Variants in WDR20 observed in about 807,000 individuals in gnomAD.
The protein encoded by WDR20 is WD repeat-containing protein 20.
WDR20 carries 3 observed loss-of-function variants against 38.7 expected under a neutral mutation model. That is an observed-to-expected ratio of 0.08 (90% CI 0.04 to 0.20). The LOEUF is 0.20. Among genes scored for constraint, WDR20 ranks in the 10% least tolerant of loss-of-function variants. WDR20 has a pLI of 1.00. For synonymous variants in WDR20, 298 were observed against 285.6 expected, an observed-to-expected ratio of 1.04 and a Z score of -0.44; for missense variants, 559 against 727.7, an observed-to-expected ratio of 0.77 and a Z score of 2.67.
chr14:102,172,298 T>C (rs1238366375), intron 1 of WDR20, among the ~76,000 whole-genome samples: 2 of 150,816 alleles, frequency 1.3e-5, no homozygotes, highest in Non-Finnish European at 3.0e-5. Flanking sequence ...AAGTCTCCCA[T>C]GTCTGCTTCT....
intron 1 of WDR20, among the ~76,000 whole-genome samples, chr14:102,155,157 G>T (rs76439737): frequency 3.2e-4 from 49 of 152,174 alleles, no homozygotes; most frequent in Admixed American, 1.6e-3. Context: ...TCAGAGCCTC[G>T]GGTTTCATTT....
At chr14:102,139,860 G>A (rs984484749), upstream of WDR20, 19 of 1,583,512 alleles carry the variant, frequency 1.2e-5, no homozygotes, top group African/African-American at 4.0e-5. Context: ...GGAGCACCAG[G>A]AACAGCGCCT....
intron 1 of WDR20, among the ~76,000 whole-genome samples, chr14:102,167,234 A>G (rs1027735008): frequency 2.6e-5 from 4 of 151,982 alleles, no homozygotes; most frequent in Non-Finnish European, 5.9e-5. Flanking sequence ...TTTATTTGAC[A>G]CAGGGTCTTG....
At position 102,208,158 on chromosome 14, in the gene WDR20, T is replaced by C. The variant is rs2061897561; in HGVS notation, c.433-445T>C. On this transcript the variant is annotated intron_variant, in intron 2 of 2. Coordinates refer to ENST00000342702, the MANE Select transcript of WDR20 (RefSeq NM_144574.4). This position sits in a 1 kb window ranked among gnomAD's most constrained non-coding sequence, Gnocchi z 5.6. ...GTAAAGGCAGAGGAACCCGTGAGGGTGAGGCAGAGCCCTCCTGGCTGTGAG... is the reference window on the plus strand; with the variant it reads ...GTAAAGGCAGAGGAACCCGTGAGGGCGAGGCAGAGCCCTCCTGGCTGTGAG... Among the ~76,000 whole-genome samples the C allele has an allele frequency of 6.6e-6, 1 of 152,144 alleles. No individual in the cohort carries two copies. Among genetic ancestry groups the C allele is most frequent in the Non-Finnish European group, 1.5e-5 (1 of 68,024 alleles).
chr14:102,203,344 T>G lies in WDR20; in HGVS notation c.433-5259T>G, dbSNP rs182695653. Reference sequence around the variant, plus strand: ...AAATATTATTTCAGCATATAACCAGTGTAAAAACTATAAATGAGATCATTG... The same window carrying G: ...AAATATTATTTCAGCATATAACCAGGGTAAAAACTATAAATGAGATCATTG... On this transcript the variant is annotated intron_variant, in intron 2 of 2. Coordinates refer to ENST00000342702, the MANE Select transcript of WDR20 (RefSeq NM_144574.4). 2.0e-5 allele frequency among the ~76,000 whole-genome samples: 3 copies of G among 152,386 alleles called. No homozygotes were observed. The East Asian group carries it at 5.8e-4, about 29-fold the overall frequency.
chr14:102,195,153 C>T lies in WDR20; in HGVS notation c.432+33C>T, dbSNP rs770519641. 61 of 1,607,290 alleles carry T rather than the reference C, an allele frequency of 3.8e-5. No homozygotes were observed. The East Asian group carries it at 1.1e-3, about 30-fold the overall frequency. ...GCACCCTGTCTTAGCTGTTAAGAAT[C>T]CCTTTAAGAGTTGATACATTCTTAC... On this transcript the variant is annotated intron_variant, in intron 2 of 2. Coordinates refer to ENST00000342702, the MANE Select transcript of WDR20 (RefSeq NM_144574.4).
chr14:102,171,086 G>C (rs917578239), intron 1 of WDR20, among the ~76,000 whole-genome samples: 3 of 151,434 alleles, frequency 2.0e-5, no homozygotes, highest in African/African-American at 7.3e-5. Context: ...TGAGTAGCTG[G>C]GATTACAGGC....
downstream of WDR20, among the ~76,000 whole-genome samples, chr14:102,218,781 G>A (rs547452111): frequency 3.3e-5 from 5 of 152,188 alleles, no homozygotes; most frequent in Non-Finnish European, 7.3e-5. Flanking sequence ...ATGGGACGCC[G>A]TGCAGATTCT....
chr14:102,214,555 A>G (rs891590146), downstream of WDR20: 9 of 985,324 alleles, frequency 9.1e-6, no homozygotes, highest in African/African-American at 5.2e-5. Flanking sequence ...ATAAATTGCT[A>G]TCCTTTCATT....
At chr14:102,169,622 G>C (rs1343721020) in intron 1 of WDR20, among the ~76,000 whole-genome samples, 2 of 152,046 alleles carry the variant, frequency 1.3e-5, no homozygotes, top group African/African-American at 2.4e-5. Flanking sequence ...CTGCCTCCCG[G>C]GTTCAAGTGG....
intron 1 of WDR20, among the ~76,000 whole-genome samples, chr14:102,190,171 A>G (rs1190097524): frequency 6.6e-6 from 1 of 152,210 alleles, no homozygotes; most frequent in East Asian, 1.9e-4. Context: ...TCCCTCATCA[A>G]TGTAATGTGG....
chr14:102,194,915 G>C (rs2059165920), intron 1 of WDR20, 23 bp from the exon 2 acceptor site: 1 of 1,611,050 alleles, frequency 6.2e-7, no homozygotes. Flanking sequence ...TTTACTGTAT[G>C]TATTTTTCTC....
chr14:102,164,085 C>G (rs2059305598), intron 1 of WDR20, among the ~76,000 whole-genome samples: 1 of 152,060 alleles, frequency 6.6e-6, no homozygotes, highest in African/African-American at 2.4e-5. Context: ...GAGTATCTCA[C>G]AAGTTGAGCT....
downstream of WDR20, chr14:102,210,631 T>C (rs1157009656): frequency 2.8e-6 from 2 of 726,052 alleles, no homozygotes; most frequent in Non-Finnish European, 3.4e-6. Flanking sequence ...GCCAACAGCA[T>C]TGCAGAAGTG....
At chr14:102,156,951 G>A (rs1335847483) in intron 1 of WDR20, among the ~76,000 whole-genome samples, 4 of 152,018 alleles carry the variant, frequency 2.6e-5, no homozygotes, top group Non-Finnish European at 2.9e-5. Flanking sequence ...GATCCGCGCC[G>A]TTGCACTCCA....
At chr14:102,173,468 TTATTATTA>T (rs1255773138) in intron 1 of WDR20, among the ~76,000 whole-genome samples, 30 of 141,016 alleles carry the variant, frequency 2.1e-4, no homozygotes, top group African/African-American at 7.5e-4. Context: ...ATTATTATTA[TTATTATTA>T]TTATTTTTAT....
At chr14:102,223,932 C>T (rs548033411), downstream of WDR20, among the ~76,000 whole-genome samples, 8 of 152,234 alleles carry the variant, frequency 5.3e-5, no homozygotes, top group East Asian at 5.8e-4. Flanking sequence ...CATACAACTC[C>T]GAGTCCTCCT....
At chr14:102,178,715 C>T (rs1045929910) in intron 1 of WDR20, among the ~76,000 whole-genome samples, 1 of 151,704 alleles carries the variant, frequency 6.6e-6, no homozygotes, top group Non-Finnish European at 1.5e-5. Flanking sequence ...TACCTCACAG[C>T]GAACGAAAAC....
chr14:102,149,987 C>G (rs2055178509), intron 1 of WDR20, among the ~76,000 whole-genome samples: 1 of 152,130 alleles, frequency 6.6e-6, no homozygotes, highest in African/African-American at 2.4e-5. Context: ...GCCACCGCAC[C>G]CAGACGTCGA....
Sources: gnomAD v4.1 joint callset for allele counts (sites outside exome capture counted in the v4.1 genomes callset) on GRCh38, gnomAD v4.1.1 for gene constraint, Gnocchi (gnomAD v3.1) non-coding constraint, MANE v1.5 for transcripts, NCBI Gene and HGNC (gene_info 2026-07-23, HGNC 2026-07-21) for gene names.